The following KCNMB2 variants were observed in gnomAD, a reference collection of about 807,000 sequenced individuals.
KCNMB2 encodes the protein calcium-activated potassium channel subunit beta-2.
KCNMB2 carries 9 observed loss-of-function variants against 24.5 expected under a neutral mutation model. The observed-to-expected ratio is 0.37, with a 90% CI of 0.22 to 0.64. KCNMB2 has a LOEUF of 0.64. Among genes scored for constraint, KCNMB2 ranks in the 30% least tolerant of loss-of-function variants. The pLI is 0.63. For missense variants in KCNMB2, 226 were observed against 284.3 expected (o/e 0.79, Z 1.47); for synonymous variants, 109 against 104.4 (o/e 1.04, Z -0.27).
At chr3:178,628,791 G>A (rs964674095) in intron 1 of KCNMB2, among the ~76,000 whole-genome samples, 3 of 152,136 alleles carry the variant, frequency 2.0e-5, no homozygotes, top group African/African-American at 4.8e-5. Flanking sequence ...AAATGCCTAA[G>A]TCTTTTAAAG....
chr3:178,736,918 GAAGT>G (rs1189476138), intron 1 of KCNMB2, among the ~76,000 whole-genome samples: 2 of 152,164 alleles, frequency 1.3e-5, no homozygotes, highest in African/African-American at 4.8e-5. Context: ...AGCAAAAGTT[GAAGT>G]AAGACTAGCA....
chr3:178,811,170 T>C (rs1714177502), intron 2 of KCNMB2, among the ~76,000 whole-genome samples: 1 of 152,220 alleles, frequency 6.6e-6, no homozygotes, highest in African/African-American at 2.4e-5. Flanking sequence ...TAAATTGTTT[T>C]TTTAAATATT....
chr3:178,684,580 C>A (rs989897243), intron 1 of KCNMB2, among the ~76,000 whole-genome samples: 1 of 152,122 alleles, frequency 6.6e-6, no homozygotes, highest in Non-Finnish European at 1.5e-5. Context: ...GTAATCCAAG[C>A]ACTTTGGGAG....
At chr3:178,810,107 T>G (rs1248159830) in intron 2 of KCNMB2, among the ~76,000 whole-genome samples, 1 of 152,158 alleles carries the variant, frequency 6.6e-6, no homozygotes, top group Admixed American at 6.5e-5. Flanking sequence ...TTGAGCAGTA[T>G]CTGTGGCTCT....
At chr3:178,838,156 G>C (rs77295652) in intron 4 of KCNMB2, among the ~76,000 whole-genome samples, 1 of 152,136 alleles carries the variant, frequency 6.6e-6, no homozygotes, top group Admixed American at 6.6e-5. Flanking sequence ...GAAATGATCA[G>C]GGCATCTTTG....
chr3:178,763,133 CTG>C (rs936397674), intron 1 of KCNMB2, among the ~76,000 whole-genome samples: 7 of 152,056 alleles, frequency 4.6e-5, no homozygotes, highest in African/African-American at 1.4e-4. Context: ...AAACTGAAAA[CTG>C]TGGGAGGTTT....
At chr3:178,731,840 T>C (rs963546995) in intron 1 of KCNMB2, among the ~76,000 whole-genome samples, 3 of 152,178 alleles carry the variant, frequency 2.0e-5, no homozygotes, top group Admixed American at 6.5e-5. Flanking sequence ...GGGGCAGAGT[T>C]TGCAGTGAGC....
chr3:178,831,980 C>T (rs1414162583), intron 4 of KCNMB2, among the ~76,000 whole-genome samples: 1 of 152,106 alleles, frequency 6.6e-6, no homozygotes, highest in Non-Finnish European at 1.5e-5. Flanking sequence ...TATATATTAT[C>T]ATTTTTATGT....
intron 1 of KCNMB2, among the ~76,000 whole-genome samples, chr3:178,682,519 G>C (rs570604726): frequency 7.2e-4 from 110 of 152,156 alleles, no homozygotes; most frequent in African/African-American, 2.2e-3. Context: ...GAAATTTGAT[G>C]CATGCCACAA....
intron 1 of KCNMB2, among the ~76,000 whole-genome samples, chr3:178,759,372 G>GATAT (rs1222364329): frequency 5.6e-5 from 1 of 17,774 alleles, no homozygotes; most frequent in African/African-American, 4.3e-4. Context: ...TCTCCAAGAG[G>GATAT]ATATATATAT....
chr3:178,605,577 C>G (rs1718243184), intron 1 of KCNMB2, among the ~76,000 whole-genome samples: 1 of 152,112 alleles, frequency 6.6e-6, no homozygotes, highest in African/African-American at 2.4e-5. Context: ...GAAAGAAAAG[C>G]AGCATAGAAA....
intron 1 of KCNMB2, among the ~76,000 whole-genome samples, chr3:178,751,403 A>C (rs2108389220): frequency 6.6e-6 from 1 of 152,046 alleles, no homozygotes; most frequent in Middle Eastern, 3.4e-3. Flanking sequence ...ACATAGTGAA[A>C]CCCCATCTGT....
chr3:178,714,449 A>G (rs1447960340), intron 1 of KCNMB2, among the ~76,000 whole-genome samples: 1 of 152,156 alleles, frequency 6.6e-6, no homozygotes, highest in Admixed American at 6.5e-5. Flanking sequence ...AAGCTTCACA[A>G]AATAAGTGAC....
At chr3:178,610,534 T>C (rs1057035093) in intron 1 of KCNMB2, among the ~76,000 whole-genome samples, 11 of 152,110 alleles carry the variant, frequency 7.2e-5, no homozygotes, top group Non-Finnish European at 1.3e-4. Flanking sequence ...GGATTACTTT[T>C]TAATTTCTTT....
At chr3:178,812,110 G>A (rs1336513583) in intron 2 of KCNMB2, among the ~76,000 whole-genome samples, 1 of 152,044 alleles carries the variant, frequency 6.6e-6, no homozygotes, top group South Asian at 2.1e-4. Context: ...TGACTTGCAG[G>A]AATTCTTTAT....
At chr3:178,755,453 A>G (rs961645522) in intron 1 of KCNMB2, among the ~76,000 whole-genome samples, 1 of 152,198 alleles carries the variant, frequency 6.6e-6, no homozygotes, top group African/African-American at 2.4e-5. Context: ...AATGTATTTT[A>G]CTATCTTTCC....
chr3:178,615,306 C>A (rs1021545229), intron 1 of KCNMB2, among the ~76,000 whole-genome samples: 3 of 152,216 alleles, frequency 2.0e-5, no homozygotes, highest in Non-Finnish European at 4.4e-5. Context: ...GTCTCTGGGG[C>A]TCTACAGTCA....
intron 1 of KCNMB2, among the ~76,000 whole-genome samples, chr3:178,599,659 A>G (rs1718008006): frequency 6.6e-6 from 1 of 152,198 alleles, no homozygotes; most frequent in Non-Finnish European, 1.5e-5. Flanking sequence ...TTATGCATAC[A>G]GTTCAATAGT....
intron 1 of KCNMB2, among the ~76,000 whole-genome samples, chr3:178,671,718 C>T (rs988108476): frequency 9.9e-5 from 15 of 152,174 alleles, no homozygotes; most frequent in African/African-American, 3.4e-4. Flanking sequence ...GTCCTTGCTT[C>T]CCTGAAAACA....
Sources: gnomAD v4.1 joint callset for allele counts (sites outside exome capture counted in the v4.1 genomes callset) on GRCh38, gnomAD v4.1.1 for gene constraint, MANE v1.5 for transcripts, NCBI Gene and HGNC (gene_info 2026-07-23, HGNC 2026-07-21) for gene names.